The following ZFHX3 variants were observed in gnomAD, a reference collection of about 807,000 sequenced individuals.
The protein encoded by ZFHX3 is zinc finger homeobox 3, also known as zinc finger homeobox protein 3.
A neutral mutation model predicts 279.1 loss-of-function variants in ZFHX3; 42 were observed. That is an observed-to-expected ratio of 0.15 (90% CI 0.12 to 0.19). The LOEUF is 0.19. Ranked by LOEUF, ZFHX3 falls within the 10% of genes least tolerant of loss-of-function variation. The pLI is 1.00. For missense variants in ZFHX3, 4,981 were observed against 4,754.0 expected (o/e 1.05, Z -1.40); for synonymous variants, 2,293 against 1,957.8 (o/e 1.17, Z -4.52).
chr16:73,435,650 T>C (rs1301335220), intron 3 of ZFHX3, among the ~76,000 whole-genome samples: 1 of 152,206 alleles, frequency 6.6e-6, no homozygotes, highest in Non-Finnish European at 1.5e-5. Context: ...AGGGCAAAAC[T>C]GCCCGGGATG....
intron 1 of ZFHX3, among the ~76,000 whole-genome samples, chr16:73,021,236 G>T (rs552062991): frequency 6.6e-6 from 1 of 152,268 alleles, no homozygotes; most frequent in East Asian, 1.9e-4. Flanking sequence ...CGAGGAAACG[G>T]GGCTCGAGGT....
At chr16:73,437,802 A>G (rs992891431) in intron 3 of ZFHX3, among the ~76,000 whole-genome samples, 1 of 152,170 alleles carries the variant, frequency 6.6e-6, no homozygotes, top group Non-Finnish European at 1.5e-5. Context: ...AAATCTCGCT[A>G]TTTTCCAGGT....
chr16:73,839,337 A>C, intron 1 of ZFHX3, among the ~76,000 whole-genome samples: 1 of 90,636 alleles, frequency 1.1e-5, no homozygotes, highest in Admixed American at 9.6e-5. Flanking sequence ...AAAAAAAAAA[A>C]AAAAAAAAAA....
chr16:72,997,278 T>A (rs968889178), intron 1 of ZFHX3, among the ~76,000 whole-genome samples: 1 of 152,164 alleles, frequency 6.6e-6, no homozygotes, highest in Admixed American at 6.5e-5. Flanking sequence ...GTCTTGCATA[T>A]GGGCTGTGAA....
At chr16:73,000,275 A>C (rs1963445947) in intron 1 of ZFHX3, among the ~76,000 whole-genome samples, 1 of 152,220 alleles carries the variant, frequency 6.6e-6, no homozygotes, top group Non-Finnish European at 1.5e-5. Flanking sequence ...GGTGAAAGGA[A>C]GGAAGGAGGC....
At chr16:73,326,812 AG>A (rs1343700342) in intron 3 of ZFHX3, among the ~76,000 whole-genome samples, 1 of 152,220 alleles carries the variant, frequency 6.6e-6, no homozygotes, top group Non-Finnish European at 1.5e-5. Flanking sequence ...CTGAAGCTAT[AG>A]CCCCTATTTG....
intron 2 of ZFHX3, among the ~76,000 whole-genome samples, chr16:73,671,328 C>T (rs913740789): frequency 1.3e-5 from 2 of 152,110 alleles, no homozygotes; most frequent in African/African-American, 4.8e-5. Context: ...GGGAGGAAAG[C>T]GGAGCAAAGC....
chr16:73,267,933 C>G (rs2014024381), intron 4 of ZFHX3, among the ~76,000 whole-genome samples: 1 of 152,102 alleles, frequency 6.6e-6, no homozygotes, highest in Non-Finnish European at 1.5e-5. Flanking sequence ...GTGATGTCCC[C>G]TCATCACCGC....
At chr16:73,706,437 C>T (rs1216488108) in intron 1 of ZFHX3, among the ~76,000 whole-genome samples, 3 of 124,782 alleles carry the variant, frequency 2.4e-5, no homozygotes, top group African/African-American at 9.3e-5. Context: ...GCCTGGGTGA[C>T]AAGAGCGAAA....
At chr16:73,762,399 C>T (rs2053878787) in intron 1 of ZFHX3, among the ~76,000 whole-genome samples, 1 of 152,172 alleles carries the variant, frequency 6.6e-6, no homozygotes, top group African/African-American at 2.4e-5. Context: ...TTAGTTCAAC[C>T]ATTGTGGAAG....
chr16:72,923,119 T>A (rs115616340), intron 3 of ZFHX3, among the ~76,000 whole-genome samples: 1 of 152,094 alleles, frequency 6.6e-6, no homozygotes, highest in Non-Finnish European at 1.5e-5. Context: ...GAAGCTGGCA[T>A]CTATCTGTCT....
chr16:73,344,680 T>C (rs2016092644), intron 3 of ZFHX3, among the ~76,000 whole-genome samples: 1 of 152,082 alleles, frequency 6.6e-6, no homozygotes, highest in Non-Finnish European at 1.5e-5. Flanking sequence ...AAAAATTATA[T>C]ATCTACAGAG....
chr16:73,531,051 T>A (rs2019792254), intron 2 of ZFHX3, among the ~76,000 whole-genome samples: 2 of 152,332 alleles, frequency 1.3e-5, no homozygotes, highest in East Asian at 1.9e-4. Context: ...GCCAAATAGC[T>A]TTTTTCTTCC....
At chr16:73,863,606 C>A (rs528423037) in intron 1 of ZFHX3, among the ~76,000 whole-genome samples, 92 of 152,316 alleles carry the variant, frequency 6.0e-4, no homozygotes, top group African/African-American at 2.2e-3. Flanking sequence ...TCATCTTCTG[C>A]ATTCTCAAGT....
intron 1 of ZFHX3, among the ~76,000 whole-genome samples, chr16:73,834,006 T>C (rs1039158502): frequency 6.6e-6 from 1 of 151,934 alleles, no homozygotes; most frequent in African/African-American, 2.4e-5. Context: ...TTAAATGAAT[T>C]ACACCATGAA....
chr16:73,545,156 C>G (rs928151872), intron 2 of ZFHX3, among the ~76,000 whole-genome samples: 3 of 152,092 alleles, frequency 2.0e-5, no homozygotes, highest in South Asian at 2.1e-4. Flanking sequence ...CCCCCGACCC[C>G]CACCTCTGCT....
At chr16:73,581,972 C>T (rs1171758146) in intron 2 of ZFHX3, among the ~76,000 whole-genome samples, 2 of 151,782 alleles carry the variant, frequency 1.3e-5, no homozygotes, top group East Asian at 1.9e-4. Context: ...CCGCACCCAG[C>T]CTTAGAACAT....
intron 2 of ZFHX3, among the ~76,000 whole-genome samples, chr16:73,503,364 G>A (rs941061447): frequency 6.6e-6 from 1 of 152,192 alleles, no homozygotes; most frequent in African/African-American, 2.4e-5. Context: ...ACAACTAGGG[G>A]CTTCCTTTTG....
At chr16:73,811,558 C>T (rs903976584) in intron 1 of ZFHX3, among the ~76,000 whole-genome samples, 155 of 151,472 alleles carry the variant, frequency 1.0e-3, no homozygotes, top group African/African-American at 3.5e-3. Context: ...GATTCTCCTG[C>T]CTCAGCCTCT....
Sources: gnomAD v4.1 joint callset for allele counts (sites outside exome capture counted in the v4.1 genomes callset) on GRCh38, gnomAD v4.1.1 for gene constraint, MANE v1.5 for transcripts, NCBI Gene and HGNC (gene_info 2026-07-23, HGNC 2026-07-21) for gene names.